ATP5MC3: variants seen among roughly 807,000 people sequenced by gnomAD.
ATP5MC3 encodes the protein ATP synthase F(0) complex subunit C3, mitochondrial.
Under a neutral mutation model 15.6 loss-of-function variants are expected in ATP5MC3, and 6 were observed. That is an observed-to-expected ratio of 0.38 (90% confidence interval 0.21 to 0.76). The LOEUF (loss-of-function observed/expected upper bound fraction) is 0.76, where lower values mean the gene tolerates loss of function less well. Ranked by LOEUF, ATP5MC3 falls within the 30% of genes least tolerant of loss-of-function variation. The probability of loss-of-function intolerance (pLI) is 0.44; values close to 1 mark genes in which losing one functional copy is unlikely to be tolerated. For missense variants in ATP5MC3, 132 were observed against 171.2 expected (o/e 0.77, Z 1.28); for synonymous variants, 66 against 63.3 (o/e 1.04, Z -0.20).
Position 175,179,223 on chromosome 2 carries a change from T to C in ATP5MC3, c.148A>G (p.Asn50Asp), listed in dbSNP as rs765379558. The change falls in exon 4 of 5, where the codon AAT (asparagine) becomes GAT (aspartate). Residue 50 changes from asparagine (N) to aspartate (D), a missense_variant. Physicochemically the swap from Asn to Asp is conservative, Grantham distance 23 (BLOSUM62 1). Around this residue, in one of 2 missense-constraint regions of ATP5MC3, gnomAD observed 90 missense variants for 86.2 expected, o/e 1.04. Coordinates refer to ENST00000284727, the MANE Select transcript of ATP5MC3 (RefSeq NM_001689.5). ...EGSTVFNGAQ[N>D]GVSQLIQREF... is the part of the protein sequence containing the mutation. The stretch of plus-strand genomic sequence containing the variant: ...CTTTGGATTAGCTGAGACACACCAT[T>C]CTGGGCCCCATTAAATACCGTAGAG... 2.5e-6 allele frequency: 4 copies of C among 1,614,052 alleles called. No homozygotes were observed. The South Asian group carries it at 4.4e-5, about 18-fold the overall frequency.
intron 3 of ATP5MC3, chr2:175,179,816 ATTT>A: frequency 2.7e-6 from 1 of 367,512 alleles, no homozygotes; most frequent in Non-Finnish European, 4.8e-6. Flanking sequence ...AATAGAGTAC[ATTT>A]TTCAATAACT....
In ATP5MC3 at chr2:175,178,049, G is replaced by T; in HGVS notation, c.*239C>A. On this transcript the variant is annotated 3_prime_UTR_variant, in exon 5 of 5. Transcript: ENST00000284727. ...AATATTTTTCATCAGTGGAGCAACT[G>T]CTGTAGCTTCCTCTGAATGGGACAG... The T allele has an allele frequency of 1.9e-6, 1 of 531,848 alleles. No individual in the cohort carries two copies. Among genetic ancestry groups the T allele is most frequent in the Non-Finnish European group, 2.8e-6 (1 of 356,158 alleles). 32.9% of individuals were successfully genotyped at this position (531,848 alleles called of 1,614,324 possible).
At chr2:175,178,491 A>G in intron 4 of ATP5MC3, 89 bp from the exon 5 acceptor site, 3 of 1,485,820 alleles carry the variant, frequency 2.0e-6, no homozygotes, top group Non-Finnish European at 2.7e-6. Context: ...TAGTGTGGGG[A>G]TTTTTGTAAA....
At chr2:175,180,620 A>T (rs1480851809) in intron 2 of ATP5MC3, among the ~76,000 whole-genome samples, 1 of 152,200 alleles carries the variant, frequency 6.6e-6, no homozygotes, top group Non-Finnish European at 1.5e-5. Context: ...ATGACCATTA[A>T]TCATAAAAAA....
In ATP5MC3 at chr2:175,178,940, T is replaced by C; in HGVS notation, c.314+117A>G. The C allele has an allele frequency of 4.9e-6, 7 of 1,435,078 alleles. No homozygotes were observed. The South Asian group carries it at 1.0e-4, about 20-fold the overall frequency. 88.9% of individuals were successfully genotyped at this position (1,435,078 alleles called of 1,614,324 possible). A position where few individuals can be genotyped will look rare whatever the true frequency, so the allele number is the denominator to read the frequency against. On this transcript the variant is annotated intron_variant, in intron 4 of 4. Coordinates refer to ENST00000284727, the MANE Select transcript of ATP5MC3 (RefSeq NM_001689.5). ...GTGAGATAATGCATACAAAGCCCTT[T>C]AAATATAATGCAAGACACAGAGTAA... is the stretch of plus-strand genomic sequence containing the variant.
chr2:175,181,276 T>C (rs1403131782), intron 2 of ATP5MC3, 79 bp downstream of exon 2: 2 of 1,529,190 alleles, frequency 1.3e-6, no homozygotes, highest in Non-Finnish European at 8.9e-7. Flanking sequence ...CGCCCGAAGG[T>C]TGCCCCATTC....
Position 175,178,135 on chromosome 2 carries a change from C to T in ATP5MC3, c.*153G>A. On this transcript the variant is annotated 3_prime_UTR_variant, in exon 5 of 5. Transcript: ENST00000284727. ...CTAAACTTAGTGTAAGTACAAATCACAGAAGAAATTAAAGTTTTCATCTTT... is the reference window on the plus strand; with the variant it reads ...CTAAACTTAGTGTAAGTACAAATCATAGAAGAAATTAAAGTTTTCATCTTT... The T allele has an allele frequency of 2.2e-6, 3 of 1,358,042 alleles. No homozygotes were observed. The highest frequency in any genetic ancestry group is 2.9e-6 in the Non-Finnish European group (3 of 1,041,234). The allele number at this position is 1,358,042 out of a possible 1,614,324, so 84.1% of individuals were successfully genotyped here. A position where few individuals can be genotyped will look rare whatever the true frequency, so the allele number is the denominator to read the frequency against.
At position 175,178,139 on chromosome 2, in the gene ATP5MC3, A is replaced by G. The variant is rs1053993765; in HGVS notation, c.*149T>C. 1.7e-5 allele frequency: 23 copies of G among 1,370,720 alleles called. 1 individual carries two copies. In the Middle Eastern group the frequency reaches 7.9e-4, roughly 47 times the overall value. 84.9% of individuals were successfully genotyped at this position (1,370,720 alleles called of 1,614,324 possible). ...ACTTAGTGTAAGTACAAATCACAGA[A>G]GAAATTAAAGTTTTCATCTTTAATG... On this transcript the variant is annotated 3_prime_UTR_variant, in exon 5 of 5. Coordinates refer to ENST00000284727, the MANE Select transcript of ATP5MC3 (RefSeq NM_001689.5).
At position 175,176,362 on chromosome 2, in the gene ATP5MC3, A is replaced by AG. The variant is rs1371475676; in HGVS notation, c.*1925_*1926insC. On this transcript the variant is annotated 3_prime_UTR_variant, in exon 5 of 5. Transcript: ENST00000284727. ...AATTTTATACTATGTACTTTGTATT[A>AG]AATAGTAGTTTCAGTAAGACATGTA... 2.8e-4 allele frequency: 1 copy of AG among 3,570 alleles called. No homozygotes were observed. Among genetic ancestry groups the AG allele is most frequent in the East Asian group, 0.036 (1 of 28 alleles). 0.2% of individuals were successfully genotyped at this position (3,570 alleles called of 1,614,324 possible).
chr2:175,180,161 T>C lies in ATP5MC3; in HGVS notation c.57A>G (p.Arg19=), dbSNP rs76567292. The C allele has an allele frequency of 6.1e-4, 967 of 1,595,866 alleles. 6 individuals are homozygous for C. In the African/African-American group the frequency reaches 0.011, roughly 19 times the overall value. Residue 19 remains arginine (R), a synonymous_variant, in exon 3 of 5, where the codon AGA becomes AGG. Coordinates refer to ENST00000284727, the MANE Select transcript of ATP5MC3 (RefSeq NM_001689.5). The part of the protein sequence containing the change: ...CTPSLIRAGS[R]VAYRPISASV... ...ATGCAGAAATTGGTCTGTATGCAAC[T>C]CTGGATCCAGCTCGGATCTATTAAT...
chr2:175,180,875 T>C (rs891590637), intron 2 of ATP5MC3, among the ~76,000 whole-genome samples: 2 of 152,158 alleles, frequency 1.3e-5, no homozygotes, highest in South Asian at 2.1e-4. Flanking sequence ...AAGAAAGACT[T>C]TGGGCTCGTT....
rs1331529010 is a variant in ATP5MC3 at position 175,176,858 on chromosome 2, T to C, written c.*1430A>G. ...AATATTCCATTATATGGATGTATTT[T>C]ACTTATCCATTCATCAGCTGATAGA... On this transcript the variant is annotated 3_prime_UTR_variant, in exon 5 of 5. Coordinates refer to ENST00000284727, the MANE Select transcript of ATP5MC3 (RefSeq NM_001689.5). 3 of 152,228 alleles carry C rather than the reference T, an allele frequency of 2.0e-5. No individual in the cohort carries two copies. The highest frequency in any genetic ancestry group is 7.2e-5 in the African/African-American group (3 of 41,464). 9.4% of individuals were successfully genotyped at this position (152,228 alleles called of 1,614,324 possible).
chr2:175,179,178 T>C lies in ATP5MC3; in HGVS notation c.193A>G (p.Ile65Val), dbSNP rs36089250. 2,418 of 1,614,186 alleles carry C rather than the reference T, an allele frequency of 1.5e-3. 20 individuals carry two copies. The highest frequency in any genetic ancestry group is 7.8e-3 in the East Asian group (352 of 44,872). Residue 65 changes from isoleucine (I) to valine (V), a missense_variant, in exon 4 of 5, where the codon ATC (isoleucine) becomes GTC (valine). Around this residue, in one of 2 missense-constraint regions of ATP5MC3, gnomAD observed 90 missense variants for 86.2 expected, o/e 1.04. Transcript: ENST00000284727. Reference sequence around the variant, plus strand: ...GCAGCAGTATCAATGTCTCTGCTGATTGCACTGGTCTGAAACTCCCTTTGG... The same window carrying C: ...GCAGCAGTATCAATGTCTCTGCTGACTGCACTGGTCTGAAACTCCCTTTGG... The part of the protein sequence containing the change: ...LIQREFQTSA[I>V]SRDIDTAAKF...
rs1444197703 is a variant in ATP5MC3, at chr2:175,177,566, T to C, written c.*722A>G. On this transcript the variant is annotated 3_prime_UTR_variant, in exon 5 of 5. Coordinates refer to ENST00000284727, the MANE Select transcript of ATP5MC3 (RefSeq NM_001689.5). ...AGTGATACACACTGCCTTACAGCAA[T>C]TTTTGGCTGTAAAAATCTAGCCAAT... is the stretch of plus-strand genomic sequence containing the variant. 1 of 152,202 alleles carries C rather than the reference T, an allele frequency of 6.6e-6. No individual in the cohort carries two copies. Among genetic ancestry groups the C allele is most frequent in the African/African-American group, 2.4e-5 (1 of 41,458 alleles). The allele number at this position is 152,202 out of a possible 1,614,324, so 9.4% of individuals were successfully genotyped here. A position where few individuals can be genotyped will look rare whatever the true frequency, so the allele number is the denominator to read the frequency against.
chr2:175,179,988 G>T (rs1700744843), intron 3 of ATP5MC3, 110 bp downstream of exon 3: 2 of 908,532 alleles, frequency 2.2e-6, no homozygotes, highest in Non-Finnish European at 1.6e-6. Flanking sequence ...TAAAAGGGTG[G>T]GAAAGACTTG....
In ATP5MC3 at chr2:175,181,674, C is replaced by T. The variant is rs11545711; in HGVS notation, c.-92G>A. The T allele has an allele frequency of 2.1e-6, 1 of 476,022 alleles. No homozygotes were observed. The highest frequency in any genetic ancestry group is 4.0e-5 in the Admixed American group (1 of 24,846). 29.5% of individuals were successfully genotyped at this position (476,022 alleles called of 1,614,324 possible). On this transcript the variant is annotated 5_prime_UTR_variant, in exon 1 of 5. Coordinates refer to ENST00000284727, the MANE Select transcript of ATP5MC3 (RefSeq NM_001689.5). The stretch of plus-strand genomic sequence containing the variant: ...CACTTACCTTCCCAGGAGGCGGCGG[C>T]GGCACGGGCTGCGGCAGAGGTCGAA...
chr2:175,176,487 A>T lies in ATP5MC3; in HGVS notation c.*1801T>A, dbSNP rs776076597. Reference sequence around the variant, plus strand: ...CACCACTAATTCATCAAATTTTAATAATCTTTTAATTTTTGAGCCAGATTT... The same window carrying T: ...CACCACTAATTCATCAAATTTTAATTATCTTTTAATTTTTGAGCCAGATTT... On this transcript the variant is annotated 3_prime_UTR_variant, in exon 5 of 5. Transcript: ENST00000284727. 1.3e-5 allele frequency: 2 copies of T among 152,180 alleles called. No homozygotes were observed. The highest frequency in any genetic ancestry group is 2.9e-5 in the Non-Finnish European group (2 of 68,026). 9.4% of individuals were successfully genotyped at this position (152,180 alleles called of 1,614,324 possible).
rs758815637 is a variant in ATP5MC3 at position 175,178,407 on chromosome 2, A to G, written c.315-5T>C. The G allele has an allele frequency of 8.8e-6, 14 of 1,596,822 alleles. No homozygotes were observed. Among genetic ancestry groups the G allele is most frequent in the Non-Finnish European group, 1.2e-5 (14 of 1,175,668 alleles). On this transcript the variant is annotated splice_region_variant and splice_polypyrimidine_tract_variant and intron_variant, in intron 4 of 4. Transcript: ENST00000284727. Reference sequence around the variant, plus strand: ...TGCTGCTTCAGCGAAGGGTTTCTAAAAGAGACCACATATGACTGTTACTTT... The same window carrying G: ...TGCTGCTTCAGCGAAGGGTTTCTAAGAGAGACCACATATGACTGTTACTTT...
chr2:175,179,842 A>G (rs770364653), intron 3 of ATP5MC3: 28 of 423,728 alleles, frequency 6.6e-5, no homozygotes, highest in Non-Finnish European at 1.1e-4. Flanking sequence ...AGCTATTATA[A>G]TTTTAAATAT....
Sources: gnomAD v4.1 joint callset for allele counts (sites outside exome capture counted in the v4.1 genomes callset) on GRCh38, gnomAD v4.1.1 for gene constraint, gnomAD v4.1.1 regional missense constraint, MANE v1.5 for transcripts, NCBI Gene and HGNC (gene_info 2026-07-23, HGNC 2026-07-21) for gene names.